Variants in ADAMTSL3 observed in about 807,000 individuals in gnomAD.
ADAMTSL3 encodes the protein ADAMTS-like protein 3.
A neutral mutation model predicts 201.7 loss-of-function variants in ADAMTSL3; 128 were observed. That is an observed-to-expected ratio of 0.63 (90% confidence interval 0.55 to 0.73). ADAMTSL3 has a LOEUF of 0.73. Ranked by LOEUF, ADAMTSL3 falls within the 30% of genes least tolerant of loss-of-function variation. The pLI is 0.00. For synonymous variants in ADAMTSL3, 738 were observed against 748.4 expected (o/e 0.99, Z 0.23); for missense variants, 1,990 against 2,119.6 (o/e 0.94, Z 1.20).
intron 2 of ADAMTSL3, among the ~76,000 whole-genome samples, chr15:83,675,892 C>A (rs1474174139): frequency 6.6e-6 from 1 of 151,962 alleles, no homozygotes; most frequent in Non-Finnish European, 1.5e-5. Context: ...TTGTTTGTTG[C>A]ATTTCCTTGT....
chr15:83,671,100 A>G (rs1416226582), intron 2 of ADAMTSL3, among the ~76,000 whole-genome samples: 2 of 152,156 alleles, frequency 1.3e-5, no homozygotes, highest in South Asian at 2.1e-4. Flanking sequence ...GAAAATTACT[A>G]CATCTGTATT....
intron 2 of ADAMTSL3, among the ~76,000 whole-genome samples, chr15:83,696,272 T>C (rs1367374500): frequency 6.6e-6 from 1 of 152,224 alleles, no homozygotes; most frequent in African/African-American, 2.4e-5. Flanking sequence ...TGTGGTGACA[T>C]GATCACCGCT....
At chr15:83,851,562 G>A (rs2064613863) in intron 7 of ADAMTSL3, among the ~76,000 whole-genome samples, 1 of 152,072 alleles carries the variant, frequency 6.6e-6, no homozygotes, top group Non-Finnish European at 1.5e-5. Flanking sequence ...GTTCAGTAAA[G>A]CTTTCTAATT....
At chr15:83,883,792 C>G (rs1370757861) in intron 9 of ADAMTSL3, among the ~76,000 whole-genome samples, 1 of 152,004 alleles carries the variant, frequency 6.6e-6, no homozygotes, top group Non-Finnish European at 1.5e-5. Context: ...TTTCAAACTT[C>G]TGGCCTCAAG....
intron 20 of ADAMTSL3, among the ~76,000 whole-genome samples, chr15:83,980,298 AG>A (rs1423598905): frequency 6.6e-6 from 1 of 152,234 alleles, no homozygotes; most frequent in Non-Finnish European, 1.5e-5. Context: ...GTACCATAGT[AG>A]GCCTCCAAGA....
intron 9 of ADAMTSL3, among the ~76,000 whole-genome samples, chr15:83,871,534 G>T (rs753717337): frequency 6.6e-6 from 1 of 152,148 alleles, no homozygotes; most frequent in Non-Finnish European, 1.5e-5. Context: ...TCGACCTTCA[G>T]CCCTTAGAAC....
chr15:83,715,882 C>T (rs1360526185), intron 3 of ADAMTSL3, among the ~76,000 whole-genome samples: 1 of 152,176 alleles, frequency 6.6e-6, no homozygotes, highest in Non-Finnish European at 1.5e-5. Flanking sequence ...GTGCAAAGCT[C>T]TTTATTGAAT....
intron 19 of ADAMTSL3, among the ~76,000 whole-genome samples, chr15:83,946,549 A>T (rs960843631): frequency 1.3e-5 from 2 of 152,200 alleles, no homozygotes; most frequent in African/African-American, 4.8e-5. Context: ...GCCAGTGGCC[A>T]TGGGATTGCC....
chr15:83,865,672 C>T (rs1166632310), intron 8 of ADAMTSL3, among the ~76,000 whole-genome samples: 1 of 152,124 alleles, frequency 6.6e-6, no homozygotes, highest in African/African-American at 2.4e-5. Flanking sequence ...AGAAGAAAAC[C>T]TAGGCAATAC....
rs549889817 is a variant in ADAMTSL3 at position 83,960,878 on chromosome 15, C to A, written c.2491-9606C>A. Among the ~76,000 whole-genome samples the A allele has an allele frequency of 5.9e-5, 9 of 152,030 alleles. No individual in the cohort carries two copies. The South Asian group carries it at 1.7e-3, about 28-fold the overall frequency. On this transcript the variant is annotated intron_variant, in intron 19 of 29. Transcript: ENST00000286744. ...AAAGCACCAGCATAATATCTATGCA[C>A]CAAAACTAGGGGGAAAAATCAAAAG...
In ADAMTSL3 at chr15:83,988,677, TA is replaced by T; in HGVS notation, c.3717-12del. On this transcript the variant is annotated splice_polypyrimidine_tract_variant and intron_variant, in intron 21 of 29. Transcript: ENST00000286744. ...TTGTTATATGAATGTGTCGTCTTTCTAACTGTTCTACAGAATAATTTTGGAT... is the reference window on the plus strand; with the variant it reads ...TTGTTATATGAATGTGTCGTCTTTCTACTGTTCTACAGAATAATTTTGGAT... 6.3e-7 allele frequency: 1 copy of T among 1,584,044 alleles called. No individual in the cohort carries two copies. Among genetic ancestry groups the T allele is most frequent in the South Asian group, 1.2e-5 (1 of 86,158 alleles).
chr15:83,900,168 A>G (rs554440444), intron 15 of ADAMTSL3, among the ~76,000 whole-genome samples: 26 of 152,334 alleles, frequency 1.7e-4, no homozygotes, highest in Admixed American at 3.3e-4. Context: ...ACAAGGTACT[A>G]AGAGTATTGG....
intron 23 of ADAMTSL3, among the ~76,000 whole-genome samples, chr15:84,008,639 C>T (rs2067943122): frequency 6.6e-6 from 1 of 152,162 alleles, no homozygotes; most frequent in Non-Finnish European, 1.5e-5. Context: ...GGTCCCATAC[C>T]TGCAGAAGGA....
chr15:83,850,055 A>G (rs1326843836), intron 7 of ADAMTSL3, among the ~76,000 whole-genome samples: 1 of 152,146 alleles, frequency 6.6e-6, no homozygotes, highest in Non-Finnish European at 1.5e-5. Context: ...ACATTTATGC[A>G]CCATAATACA....
intron 21 of ADAMTSL3, among the ~76,000 whole-genome samples, 160 bp from the exon 22 acceptor site, chr15:83,988,531 A>C (rs1766534143): frequency 6.6e-6 from 1 of 152,184 alleles, no homozygotes; most frequent in African/African-American, 2.4e-5. Context: ...TGGTCTATAT[A>C]GTTCTCTGCT....
chr15:83,823,890 TTCC>T (rs767078655), intron 6 of ADAMTSL3, among the ~76,000 whole-genome samples: 2,665 of 95,792 alleles, frequency 0.028, 170 homozygotes, highest in African/African-American at 0.052. Context: ...CTTCTTCTTC[TTCC>T]TCTTCTTCTT....
chr15:83,881,919 G>A (rs901951244), intron 9 of ADAMTSL3, among the ~76,000 whole-genome samples: 16 of 152,020 alleles, frequency 1.1e-4, no homozygotes, highest in African/African-American at 3.4e-4. Context: ...TTTGGGAAGC[G>A]GAGGTGGGCG....
intron 7 of ADAMTSL3, among the ~76,000 whole-genome samples, chr15:83,843,251 T>TAA (rs5814163): frequency 1.3e-5 from 2 of 151,626 alleles, no homozygotes; most frequent in South Asian, 2.1e-4. Flanking sequence ...TCCTTTTTTT[T>TAA]AAAAAAAATC....
chr15:83,763,898 AC>A (rs1188173936), intron 3 of ADAMTSL3, among the ~76,000 whole-genome samples: 1 of 152,244 alleles, frequency 6.6e-6, no homozygotes, highest in Non-Finnish European at 1.5e-5. Context: ...CCAGAGACCA[AC>A]AGCTTGCCCC....
Sources: gnomAD v4.1 joint callset for allele counts (sites outside exome capture counted in the v4.1 genomes callset) on GRCh38, gnomAD v4.1.1 for gene constraint, MANE v1.5 for transcripts, NCBI Gene and HGNC (gene_info 2026-07-23, HGNC 2026-07-21) for gene names.